DDX18: variants seen among roughly 807,000 people sequenced by gnomAD.
DDX18 encodes the protein ATP-dependent RNA helicase DDX18.
Under a neutral mutation model 73.5 loss-of-function variants are expected in DDX18, and 23 were observed. That is an observed-to-expected ratio of 0.31 (90% CI 0.23 to 0.44). The LOEUF (loss-of-function observed/expected upper bound fraction) is 0.44, where lower values mean the gene tolerates loss of function less well. Among genes scored for constraint, DDX18 ranks in the 20% least tolerant of loss-of-function variants. The pLI is 1.00. For synonymous variants in DDX18, 268 were observed against 282.7 expected (o/e 0.95, Z 0.52); for missense variants, 753 against 792.9 (o/e 0.95, Z 0.60).
chr2:117,830,495 G>A, intron 13 of DDX18, 87 bp from the exon 14 acceptor site: 1 of 1,442,564 alleles, frequency 6.9e-7, no homozygotes, highest in Non-Finnish European at 9.3e-7. Flanking sequence ...AGGAACAGTA[G>A]TGTTCATGCC....
chr2:117,819,365 C>T (rs1450876191), intron 2 of DDX18, among the ~76,000 whole-genome samples: 1 of 152,146 alleles, frequency 6.6e-6, no homozygotes, highest in African/African-American at 2.4e-5. Context: ...ATCAGGTATG[C>T]TTCCTTTCCC....
intron 7 of DDX18, 77 bp downstream of exon 7, chr2:117,822,338 G>A: frequency 8.7e-7 from 1 of 1,151,910 alleles, no homozygotes; most frequent in South Asian, 1.3e-5. Flanking sequence ...TAGAAAAACT[G>A]TACTAATGCC....
intron 1 of DDX18, chr2:117,815,137 A>T: frequency 2.3e-6 from 1 of 439,130 alleles, no homozygotes. Context: ...CTTACGACTA[A>T]CCCTGCCTTT....
chr2:117,825,383 G>A (rs980937773), intron 9 of DDX18, 64 bp from the exon 10 acceptor site: 1 of 1,559,866 alleles, frequency 6.4e-7, no homozygotes. Flanking sequence ...TCCACAATTT[G>A]GGGGTTCTAC....
chr2:117,817,402 T>G, intron 1 of DDX18, 42 bp from the exon 2 acceptor site: 2 of 1,516,324 alleles, frequency 1.3e-6, no homozygotes, highest in Non-Finnish European at 1.8e-6. Context: ...TAAGTAAACT[T>G]CTCCTTCTTT....
Position 117,832,002 on chromosome 2 carries a change from A to C in DDX18, c.*1278A>C, listed in dbSNP as rs1369967211. 1 of 152,248 alleles carries C rather than the reference A, an allele frequency of 6.6e-6. No individual in the cohort carries two copies. The highest frequency in any genetic ancestry group is 2.4e-5 in the African/African-American group (1 of 41,438). The allele number at this position is 152,248 out of a possible 1,614,324, so 9.4% of individuals were successfully genotyped here. A position where few individuals can be genotyped will look rare whatever the true frequency, so the allele number is the denominator to read the frequency against. On this transcript the variant is annotated 3_prime_UTR_variant, in exon 14 of 14. Coordinates refer to ENST00000263239, the MANE Select transcript of DDX18 (RefSeq NM_006773.4). ...CATTCCAGTAGGAAAAGAAAAGAACAATCTTCCATTTCTGGGCTTGGCCAC... is the reference window on the plus strand; with the variant it reads ...CATTCCAGTAGGAAAAGAAAAGAACCATCTTCCATTTCTGGGCTTGGCCAC...
chr2:117,821,545 A>G (rs192460617), intron 4 of DDX18, 105 bp from the exon 5 acceptor site: 5 of 1,286,516 alleles, frequency 3.9e-6, no homozygotes, highest in Non-Finnish European at 5.5e-6. Context: ...AGCACTGTAG[A>G]CGTTTCTTGT....
chr2:117,815,093 G>T (rs1198124962), intron 1 of DDX18: 3 of 565,338 alleles, frequency 5.3e-6, no homozygotes, highest in East Asian at 5.9e-5. Context: ...TTCTTACAAC[G>T]TTAGAGCGGG....
At position 117,830,661 on chromosome 2, in the gene DDX18, G is replaced by C; in HGVS notation, c.1950G>C (p.Glu650Asp). The C allele has an allele frequency of 6.2e-7, 1 of 1,613,836 alleles. No homozygotes were observed. The highest frequency in any genetic ancestry group is 1.3e-5 in the African/African-American group (1 of 75,030). The change falls in exon 14 of 14, where the codon GAG becomes GAC. Residue 650 changes from glutamate to aspartate, a missense_variant. This residue lies in a region of DDX18 where 402 missense variants were observed against 419.4 expected (regional missense o/e 0.96). Coordinates refer to ENST00000263239, the MANE Select transcript of DDX18 (RefSeq NM_006773.4). ...GFGYQKTKKV[E>D]KSKIFKHISK... ...GCTACCAGAAAACCAAGAAAGTTGAGAAATCCAAAATCTTTAAACACATTA... is the reference window on the plus strand; with the variant it reads ...GCTACCAGAAAACCAAGAAAGTTGACAAATCCAAAATCTTTAAACACATTA...
chr2:117,819,236 G>A (rs1679805951), intron 2 of DDX18, among the ~76,000 whole-genome samples: 2 of 152,190 alleles, frequency 1.3e-5, no homozygotes, highest in African/African-American at 4.8e-5. Context: ...ATGTCAGCCA[G>A]GCAAGTGGGT....
chr2:117,816,327 T>A (rs1408210518), intron 1 of DDX18, among the ~76,000 whole-genome samples: 1 of 152,374 alleles, frequency 6.6e-6, no homozygotes, highest in Middle Eastern at 3.4e-3. Context: ...CTTTTGACTT[T>A]AATAACACTT....
rs1430063093 is a variant in DDX18 at position 117,828,933 on chromosome 2, T to A, written c.1636-16T>A. 3 of 1,567,774 alleles carry A rather than the reference T, an allele frequency of 1.9e-6. No homozygotes were observed. The highest frequency in any genetic ancestry group is 2.6e-6 in the Non-Finnish European group (3 of 1,138,872). On this transcript the variant is annotated splice_polypyrimidine_tract_variant and intron_variant, in intron 11 of 13. Coordinates refer to ENST00000263239, the MANE Select transcript of DDX18 (RefSeq NM_006773.4). Reference sequence around the variant, plus strand: ...GATCATCCTGGTTTACTAATCTTAATACTTTTGATTTCTAGGTTCCATTAA... The same window carrying A: ...GATCATCCTGGTTTACTAATCTTAAAACTTTTGATTTCTAGGTTCCATTAA...
At chr2:117,828,465 G>C (rs939728178) in intron 11 of DDX18, 7 of 152,490 alleles carry the variant, frequency 4.6e-5, no homozygotes, top group African/African-American at 1.4e-4. Context: ...TTTCTCTCTA[G>C]CACCTGGCAC....
intron 11 of DDX18, chr2:117,827,844 T>G (rs74418774): frequency 0.31 from 46,727 of 152,084 alleles, 8,752 homozygotes; most frequent in East Asian, 0.54. Flanking sequence ...ATATACCCAG[T>G]AATGGGATGG....
rs777930193 is a variant in DDX18 at position 117,821,953 on chromosome 2, C to A, written c.843C>A (p.Thr281=). ...AGCTGATGACTCACCACGTGCATAC[C>A]TATGGCTTGATAATGGGTGGCAGTA... ...LKELMTHHVH[T]YGLIMGGSNR... The change falls in exon 6 of 14, where the codon ACC becomes ACA. Residue 281 remains threonine, a synonymous_variant. Coordinates refer to ENST00000263239, the MANE Select transcript of DDX18 (RefSeq NM_006773.4). 6.2e-7 allele frequency: 1 copy of A among 1,613,938 alleles called. No individual in the cohort carries two copies. Among genetic ancestry groups the A allele is most frequent in the Non-Finnish European group, 8.5e-7 (1 of 1,179,974 alleles).
In DDX18 at chr2:117,817,667, C is replaced by T; in HGVS notation, c.309C>T (p.Ser103=). 6.2e-7 allele frequency: 1 copy of T among 1,608,124 alleles called. No individual in the cohort carries two copies. The highest frequency in any genetic ancestry group is 1.1e-5 in the South Asian group (1 of 88,894). The change falls in exon 2 of 14, where the codon TCC becomes TCT. Residue 103 remains serine, a synonymous_variant. Coordinates refer to ENST00000263239, the MANE Select transcript of DDX18 (RefSeq NM_006773.4). ...ATGGAGAAGCAGCAATGCAGTCTTC[C>T]AATTCAGAATCAAAAAAGAAAAAGA... The part of the protein sequence containing the change: ...LTNGEAAMQS[S]NSESKKKKKK...
At chr2:117,815,015 A>G (rs972591321) in intron 1 of DDX18, 153 bp downstream of exon 1, 30 of 712,192 alleles carry the variant, frequency 4.2e-5, no homozygotes, top group South Asian at 1.4e-4. Flanking sequence ...TCCACTCGGG[A>G]CCCGCGCTGC....
chr2:117,830,576 C>T lies in DDX18; in HGVS notation c.1871-6C>T, dbSNP rs1680005241. The T allele has an allele frequency of 1.2e-6, 2 of 1,611,186 alleles. No individual in the cohort carries two copies. Among genetic ancestry groups the T allele is most frequent in the Non-Finnish European group, 1.7e-6 (2 of 1,179,162 alleles). On this transcript the variant is annotated splice_polypyrimidine_tract_variant and splice_region_variant and intron_variant, in intron 13 of 13. Transcript: ENST00000263239. Reference sequence around the variant, plus strand: ...TTTGCTTGATTTCCTTAATGTTTGCCTCCAGACGTCAACAGTAATGAAGGC... The same window carrying T: ...TTTGCTTGATTTCCTTAATGTTTGCTTCCAGACGTCAACAGTAATGAAGGC...
intron 1 of DDX18, 140 bp from the exon 2 acceptor site, chr2:117,817,304 A>C: frequency 1.3e-6 from 1 of 794,540 alleles, no homozygotes; most frequent in Non-Finnish European, 1.9e-6. Flanking sequence ...TAAAACTATA[A>C]GTTGTTTTAA....
Sources: allele counts gnomAD v4.1 joint callset (sites outside exome capture counted in the v4.1 genomes callset), GRCh38; gene constraint gnomAD v4.1.1; regional missense constraint gnomAD v4.1.1; transcripts MANE v1.5; gene names NCBI Gene and HGNC (gene_info 2026-07-23, HGNC 2026-07-21).